MST1R: variants seen among roughly 807,000 people sequenced by gnomAD.
MST1R encodes the protein macrophage stimulating 1 receptor, also known as macrophage-stimulating protein receptor.
In MST1R, 99 loss-of-function variants were observed where a neutral mutation model predicts 117.8. The ratio of observed to expected loss-of-function variants is 0.84; its 90% confidence interval spans 0.71 to 0.99. MST1R has a LOEUF of 0.99. Among genes scored for constraint, MST1R ranks in the 50% least tolerant of loss-of-function variants. The probability of loss-of-function intolerance (pLI) is 0.00; values close to 1 mark genes in which losing one functional copy is unlikely to be tolerated. For missense variants in MST1R, 1,683 were observed against 1,840.2 expected (o/e 0.91, Z 1.56); for synonymous variants, 734 against 765.3 (o/e 0.96, Z 0.68).
rs1390036764 is a variant in MST1R, at chr3:49,896,654, G to A, written c.2346-21C>T. 8 of 1,613,386 alleles carry A rather than the reference G, an allele frequency of 5.0e-6. No individual in the cohort carries two copies. The South Asian group carries it at 7.7e-5, about 16-fold the overall frequency. ...AGTTGCTGTGGAAGAGGGTAGGGTG[G>A]TAGGCTTTGGGTGTTCTCCAAAGCT... On this transcript the variant is annotated intron_variant, in intron 8 of 19. Transcript: ENST00000296474.
Position 49,890,465 on chromosome 3 carries a change from T to C in MST1R, c.3810+20A>G. 1 of 1,602,890 alleles carries C rather than the reference T, an allele frequency of 6.2e-7. No individual in the cohort carries two copies. The highest frequency in any genetic ancestry group is 1.1e-5 in the South Asian group (1 of 89,914). ...TTGGGTGCCAAAGCCATGTGGACTG[T>C]AGGGCAGGTGGGGCCTCACCACATC... On this transcript the variant is annotated intron_variant, in intron 18 of 19. Transcript: ENST00000296474.
chr3:49,888,415 AAC>A (rs2082223713), intron 19 of MST1R, among the ~76,000 whole-genome samples: 1 of 149,580 alleles, frequency 6.7e-6, no homozygotes, highest in Admixed American at 6.7e-5. Context: ...CAGCCTGGGC[AAC>A]AGAGCGAGAC....
At chr3:49,899,299 C>T in intron 1 of MST1R, 36 bp from the exon 2 acceptor site, 1 of 1,610,240 alleles carries the variant, frequency 6.2e-7, no homozygotes, top group Non-Finnish European at 8.5e-7. Context: ...AGTCAGGGTT[C>T]AGCCTTGTGC....
At chr3:49,897,957 C>G in intron 5 of MST1R, 94 bp downstream of exon 5, 5 of 1,564,752 alleles carry the variant, frequency 3.2e-6, no homozygotes, top group Non-Finnish European at 4.4e-6. Context: ...CCCCATCCCC[C>G]CTTGCCTCTG....
At chr3:49,893,467 G>A (rs1303006513) in intron 14 of MST1R, among the ~76,000 whole-genome samples, 1 of 151,034 alleles carries the variant, frequency 6.6e-6, no homozygotes, top group African/African-American at 2.4e-5. Flanking sequence ...AGCCAGGTGT[G>A]GTGGCGGGCG....
Position 49,896,341 on chromosome 3 carries a change from G to A in MST1R, c.2503C>T (p.Gln835Ter), listed in dbSNP as rs1409441788. The A allele has an allele frequency of 1.2e-6, 2 of 1,614,108 alleles. No individual in the cohort carries two copies. Among genetic ancestry groups the A allele is most frequent in the South Asian group, 1.1e-5 (1 of 91,076 alleles). The change falls in exon 10 of 20, where the codon CAG becomes TAG. Residue 835 changes from glutamine (Q) to a stop codon, truncating the protein, a stop_gained. Coordinates refer to ENST00000296474, the MANE Select transcript of MST1R (RefSeq NM_002447.4). LOFTEE classifies it high-confidence loss of function. ...CTCAGATTCCCTGCCACCCATCCCTGGGGGTCTCGGACCACATATTCAGGA... is the reference window on the plus strand; with the variant it reads ...CTCAGATTCCCTGCCACCCATCCCTAGGGGTCTCGGACCACATATTCAGGA... ...RLPEYVVRDP[Q>*]GWVAGNLSAR... is the part of the protein sequence containing the mutation.
At chr3:49,897,944 T>G (rs1473201096) in intron 5 of MST1R, 107 bp downstream of exon 5, 1 of 1,514,974 alleles carries the variant, frequency 6.6e-7, no homozygotes. Context: ...CCACTGCAGC[T>G]TCCCCCATCC....
At chr3:49,901,117 A>G (rs1267000319) in intron 1 of MST1R, among the ~76,000 whole-genome samples, 1 of 152,174 alleles carries the variant, frequency 6.6e-6, no homozygotes, top group African/African-American at 2.4e-5. Flanking sequence ...CCCATTGGGA[A>G]GGAGAAGGGG....
intron 5 of MST1R, 147 bp downstream of exon 5, chr3:49,897,904 A>T (rs1260344733): frequency 1.7e-6 from 2 of 1,205,748 alleles, no homozygotes; most frequent in Non-Finnish European, 2.3e-6. Flanking sequence ...AGGGACAGAG[A>T]CCTTTTTGAC....
chr3:49,890,993 T>G (rs1386174928), intron 17 of MST1R, among the ~76,000 whole-genome samples: 1 of 152,210 alleles, frequency 6.6e-6, no homozygotes, highest in Non-Finnish European at 1.5e-5. Context: ...CCCAAAGTGC[T>G]GGGATTACAG....
rs552906756 is a variant in MST1R at position 49,895,461 on chromosome 3, T to C, written c.3050A>G (p.Tyr1017Cys). The C allele has an allele frequency of 1.2e-6, 2 of 1,614,102 alleles. No homozygotes were observed. The highest frequency in any genetic ancestry group is 2.2e-5 in the East Asian group (1 of 44,878). ...PLPILYSGSD[Y>C]RSGLALPAID... ...CACTATCTCACCAAGGCCACTTCTG[T>C]AGTCAGAGCCCGAGTACAGAATAGG... The change falls in exon 13 of 20, where the codon TAC (tyrosine) becomes TGC (cysteine). Residue 1017 changes from tyrosine to cysteine, a missense_variant. Coordinates refer to ENST00000296474, the MANE Select transcript of MST1R (RefSeq NM_002447.4).
rs761681423 is a variant in MST1R, at chr3:49,899,168, C to A, written c.1326G>T (p.Leu442=). The change falls in exon 2 of 20, where the codon CTG becomes CTT. Residue 442 remains leucine (L), a synonymous_variant. Coordinates refer to ENST00000296474, the MANE Select transcript of MST1R (RefSeq NM_002447.4). ...ATGCAGTGACCTGTACTGGTCCCAA[C>A]AGCCCATTGAATAGGTCCACACGTG... is the stretch of plus-strand genomic sequence containing the variant. The part of the protein sequence containing the change: ...SFSRVDLFNG[L]LGPVQVTALY... The A allele has an allele frequency of 1.9e-6, 3 of 1,614,232 alleles. No individual in the cohort carries two copies. The highest frequency in any genetic ancestry group is 3.3e-5 in the Admixed American group (2 of 60,034).
chr3:49,890,003 G>A lies in MST1R; in HGVS notation c.3868C>T (p.His1290Tyr). The change falls in exon 19 of 20, where the codon CAC becomes TAC. Residue 1290 changes from histidine (H) to tyrosine (Y), a missense_variant. Transcript: ENST00000296474. Reference sequence around the variant, plus strand: ...TGGGTAAGGTCAAAAGGGTCAATGTGGCGGTATGGTGGGGCACCCCGTGTC... The same window carrying A: ...TGGGTAAGGTCAAAAGGGTCAATGTAGCGGTATGGTGGGGCACCCCGTGTC... The part of the protein sequence containing the change: ...LLTRGAPPYR[H>Y]IDPFDLTHFL... The A allele has an allele frequency of 2.5e-6, 4 of 1,613,952 alleles. No homozygotes were observed. Among genetic ancestry groups the A allele is most frequent in the Non-Finnish European group, 2.5e-6 (3 of 1,179,932 alleles).
chr3:49,888,875 C>T (rs1047855446), intron 19 of MST1R, among the ~76,000 whole-genome samples: 6 of 152,210 alleles, frequency 3.9e-5, no homozygotes. Context: ...GAAGTGGACC[C>T]TATGGTGTGC....
intron 1 of MST1R, among the ~76,000 whole-genome samples, chr3:49,901,728 A>G (rs2082682957): frequency 1.6e-5 from 2 of 121,470 alleles, no homozygotes; most frequent in African/African-American, 6.2e-5. Context: ...TCCAAGGCCC[A>G]GGAGGCTCCC....
At chr3:49,890,337 T>G in intron 18 of MST1R, 148 bp downstream of exon 18, 2 of 925,382 alleles carry the variant, frequency 2.2e-6, no homozygotes, top group Non-Finnish European at 3.2e-6. Context: ...GATTCCATCT[T>G]ACATCTGCCC....
Position 49,898,514 on chromosome 3 carries a change from A to G in MST1R, c.1719+4T>C. On this transcript the variant is annotated splice_donor_region_variant and intron_variant, in intron 4 of 19. Coordinates refer to ENST00000296474, the MANE Select transcript of MST1R (RefSeq NM_002447.4). ...TTACCTGTGCCCTGCCAGGGAAGCCATACCTCAGTAAGCTTAGGTGGGCAG... is the reference window on the plus strand; with the variant it reads ...TTACCTGTGCCCTGCCAGGGAAGCCGTACCTCAGTAAGCTTAGGTGGGCAG... The G allele has an allele frequency of 1.2e-6, 2 of 1,613,216 alleles. No homozygotes were observed. Among genetic ancestry groups the G allele is most frequent in the South Asian group, 2.2e-5 (2 of 91,028 alleles).
intron 1 of MST1R, among the ~76,000 whole-genome samples, chr3:49,901,587 T>C (rs1052898647): frequency 2.6e-5 from 4 of 151,886 alleles, no homozygotes; most frequent in Non-Finnish European, 4.4e-5. Context: ...AAGACTAGAG[T>C]GAGGCTCCCA....
rs1575443016 is a variant in MST1R, at chr3:49,897,767, T to G, written c.1881-82A>C. ...TGCCTGCCACAAGCCACAGGGCTCC[T>G]CTGAGCCAGAGAATGGCATTTCTCC... is the stretch of plus-strand genomic sequence containing the variant. On this transcript the variant is annotated intron_variant, in intron 5 of 19. Transcript: ENST00000296474. The G allele has an allele frequency of 7.3e-6, 11 of 1,500,546 alleles. No individual in the cohort carries two copies. In the East Asian group the frequency reaches 2.5e-4, roughly 35 times the overall value. 93.0% of individuals were successfully genotyped at this position (1,500,546 alleles called of 1,614,324 possible).
Sources: gnomAD v4.1 joint callset for allele counts (sites outside exome capture counted in the v4.1 genomes callset) on GRCh38, gnomAD v4.1.1 for gene constraint, MANE v1.5 for transcripts, NCBI Gene and HGNC (gene_info 2026-07-23, HGNC 2026-07-21) for gene names.